The following UNC13C variants were observed in gnomAD, a reference collection of about 807,000 sequenced individuals.
UNC13C encodes unc-13 homolog C.
Under a neutral mutation model 245.4 loss-of-function variants are expected in UNC13C, and 174 were observed. The observed-to-expected ratio is 0.71, with a 90% CI of 0.63 to 0.80. The LOEUF is 0.80. UNC13C is among the 30% of genes least tolerant of loss of function. The pLI is 0.00. For missense variants in UNC13C, 2,829 were observed against 2,602.9 expected (o/e 1.09, Z -1.89); for synonymous variants, 992 against 895.1 (o/e 1.11, Z -1.93).
At chr15:54,538,114 G>A (rs1213898681) in intron 26 of UNC13C, among the ~76,000 whole-genome samples, 1 of 78,168 alleles carries the variant, frequency 1.3e-5, no homozygotes, top group Admixed American at 2.0e-4. Flanking sequence ...TCTATAAGGA[G>A]CTTAAATACA....
At chr15:53,958,183 C>A in the UNC13C span, among the ~76,000 whole-genome samples, 1 of 152,028 alleles carries the variant, frequency 6.6e-6, no homozygotes, top group South Asian at 2.1e-4. Flanking sequence ...TTTCTCCCTA[C>A]CTATACCAAT....
At chr15:54,565,057 T>C (rs1566912543) in intron 29 of UNC13C, among the ~76,000 whole-genome samples, 3 of 151,978 alleles carry the variant, frequency 2.0e-5, no homozygotes, top group Non-Finnish European at 4.4e-5. Flanking sequence ...CTGCTAAAGT[T>C]AAAAACAACA....
intron 19 of UNC13C, among the ~76,000 whole-genome samples, chr15:54,488,867 T>C (rs150397515): frequency 5.3e-4 from 80 of 152,338 alleles, no homozygotes; most frequent in Admixed American, 8.5e-4. Context: ...GCTAGTTAAA[T>C]CTTTGTTGCC....
chr15:54,308,010 G>A (rs954524107), intron 13 of UNC13C, among the ~76,000 whole-genome samples: 1 of 151,834 alleles, frequency 6.6e-6, no homozygotes, highest in African/African-American at 2.4e-5. Context: ...CTTTCATTTT[G>A]CATAGTATCT....
At position 54,455,200 on chromosome 15, in the gene UNC13C, T is replaced by C. The variant is rs1233157910; in HGVS notation, c.4934-39408T>C. ...CTCTCTCTCTCTCTCTCTCTCTCTC[T>C]CTCTCTATATATATATATATATATA... is the stretch of plus-strand genomic sequence containing the variant. On this transcript the variant is annotated intron_variant, in intron 19 of 32. Transcript: ENST00000260323. Among the ~76,000 whole-genome samples the C allele has an allele frequency of 3.2e-4, 19 of 60,022 alleles. 1 individual carries two copies. The East Asian group carries it at 4.7e-3, about 15-fold the overall frequency. The allele number at this position is 60,022 out of a possible 152,430, so 39.4% of individuals were successfully genotyped here.
At chr15:54,460,476 G>T (rs1891773860) in intron 19 of UNC13C, among the ~76,000 whole-genome samples, 1 of 152,202 alleles carries the variant, frequency 6.6e-6, no homozygotes, top group African/African-American at 2.4e-5. Flanking sequence ...ATTGGAGCAG[G>T]GTTGTTCTGT....
chr15:53,844,332 G>A, the UNC13C span, among the ~76,000 whole-genome samples: 1 of 152,088 alleles, frequency 6.6e-6, no homozygotes, highest in African/African-American at 2.4e-5. Context: ...GTCCATTAAA[G>A]GCAGCAAAGC....
the UNC13C span, among the ~76,000 whole-genome samples, chr15:53,845,818 G>C: frequency 6.6e-6 from 1 of 152,248 alleles, no homozygotes; most frequent in East Asian, 1.9e-4. Flanking sequence ...AACTGTGGCA[G>C]ACCCAATTGA....
intron 19 of UNC13C, among the ~76,000 whole-genome samples, chr15:54,466,633 G>A (rs890017339): frequency 6.6e-6 from 1 of 151,644 alleles, no homozygotes; most frequent in African/African-American, 2.4e-5. Flanking sequence ...TTATATATGT[G>A]ATTATTCTCT....
intron 17 of UNC13C, among the ~76,000 whole-genome samples, chr15:54,359,627 A>G (rs1006623385): frequency 1.3e-5 from 2 of 151,904 alleles, no homozygotes; most frequent in African/African-American, 4.8e-5. Flanking sequence ...TTGTTGGCAT[A>G]TAATTGTTCA....
chr15:54,017,274 A>G, intron 2 of UNC13C, among the ~76,000 whole-genome samples: 1 of 152,280 alleles, frequency 6.6e-6, no homozygotes, highest in South Asian at 2.1e-4. Flanking sequence ...CTGATTTAAG[A>G]GTGAAAAGTA....
chr15:53,986,993 G>T (rs1291408407), intron 1 of UNC13C, among the ~76,000 whole-genome samples: 2 of 151,946 alleles, frequency 1.3e-5, no homozygotes, highest in East Asian at 3.9e-4. Flanking sequence ...AAATATAATA[G>T]ATATTTACAG....
chr15:54,237,518 A>C (rs755751712), intron 6 of UNC13C, 101 bp from the exon 7 acceptor site: 1 of 868,764 alleles, frequency 1.2e-6, no homozygotes, highest in Non-Finnish European at 1.9e-6. Flanking sequence ...CTAAAATATG[A>C]ACAGTGATAG....
At chr15:54,212,910 T>C (rs2034927697) in intron 4 of UNC13C, among the ~76,000 whole-genome samples, 1 of 152,096 alleles carries the variant, frequency 6.6e-6, no homozygotes, top group Non-Finnish European at 1.5e-5. Flanking sequence ...TTTTTCTCTA[T>C]TTAAACCCTG....
intron 30 of UNC13C, among the ~76,000 whole-genome samples, chr15:54,604,533 C>A (rs149556070): frequency 2.0e-5 from 3 of 152,268 alleles, no homozygotes; most frequent in Non-Finnish European, 4.4e-5. Context: ...GGCTAACTTT[C>A]CTGGGGAACT....
intron 4 of UNC13C, among the ~76,000 whole-genome samples, chr15:54,150,890 G>T (rs186102150): frequency 1.3e-5 from 2 of 152,214 alleles, no homozygotes; most frequent in East Asian, 3.9e-4. Context: ...ATTATAAATA[G>T]TTTCTTTTAG....
intron 19 of UNC13C, among the ~76,000 whole-genome samples, chr15:54,487,065 ATATC>A (rs1893452779): frequency 6.6e-6 from 1 of 152,168 alleles, no homozygotes; most frequent in Non-Finnish European, 1.5e-5. Context: ...ATCAGAGAGT[ATATC>A]TATGAGGAAT....
intron 19 of UNC13C, among the ~76,000 whole-genome samples, chr15:54,478,459 T>C (rs1457023615): frequency 6.9e-6 from 1 of 145,164 alleles, no homozygotes; most frequent in African/African-American, 2.6e-5. Flanking sequence ...GTGCTATAAA[T>C]TTCCCTCTAC....
intron 22 of UNC13C, among the ~76,000 whole-genome samples, chr15:54,501,679 A>G (rs530313550): frequency 5.9e-5 from 9 of 152,298 alleles, no homozygotes; most frequent in Admixed American, 1.3e-4. Context: ...GACACAATTC[A>G]GCTTCAAGCT....
Sources: gnomAD v4.1 joint callset for allele counts (sites outside exome capture counted in the v4.1 genomes callset) on GRCh38, gnomAD v4.1.1 for gene constraint, MANE v1.5 for transcripts, NCBI Gene and HGNC (gene_info 2026-07-23, HGNC 2026-07-21) for gene names.